CRTAM: variants seen among roughly 807,000 people sequenced by gnomAD.
CRTAM encodes the protein cytotoxic and regulatory T-cell molecule.
In CRTAM, 44 loss-of-function variants were observed where a neutral mutation model predicts 50.0. That is an observed-to-expected ratio of 0.88 (90% CI 0.69 to 1.13). The LOEUF is 1.13. Ranked by LOEUF, CRTAM falls within the 50% of genes most tolerant of loss-of-function variation. The pLI is 0.00. For missense variants in CRTAM, 448 were observed against 457.5 expected (o/e 0.98, Z 0.19); for synonymous variants, 159 against 169.3 (o/e 0.94, Z 0.47).
At chr11:122,866,238 C>A (rs1487042444) in intron 7 of CRTAM, among the ~76,000 whole-genome samples, 1 of 152,112 alleles carries the variant, frequency 6.6e-6, no homozygotes, top group East Asian at 1.9e-4. Context: ...TCCTCACTGC[C>A]CCTGGTGGAA....
Position 122,867,467 on chromosome 11 carries a change from G to A in CRTAM, c.876G>A (p.Thr292=), listed in dbSNP as rs775832473. ...AGAAAAGTGGCATCCTGCTGCTCAC[G>A]CTGGTGTCCTTCCTCATTTTCATAC... ...ARKKSGILLL[T]LVSFLIFILF... Residue 292 remains threonine (T), a synonymous_variant, in exon 8 of 10, where the codon ACG becomes ACA. Coordinates refer to ENST00000227348, the MANE Select transcript of CRTAM (RefSeq NM_019604.4). 4.6e-5 allele frequency: 74 copies of A among 1,613,762 alleles called. No homozygotes were observed. The Middle Eastern group carries it at 6.6e-4, about 14-fold the overall frequency.
At chr11:122,848,475 A>G (rs2135233928) in intron 1 of CRTAM, among the ~76,000 whole-genome samples, 2 of 152,226 alleles carry the variant, frequency 1.3e-5, no homozygotes, top group Middle Eastern at 6.8e-3. Context: ...GTTGTTCATT[A>G]TGGTATTGGT....
intron 1 of CRTAM, among the ~76,000 whole-genome samples, chr11:122,841,738 A>G (rs1861801107): frequency 6.6e-6 from 1 of 152,158 alleles, no homozygotes; most frequent in Non-Finnish European, 1.5e-5. Flanking sequence ...ACCAATATCT[A>G]AAATTTTACA....
rs143915588 is a variant in CRTAM at position 122,838,592 on chromosome 11, G to A, written c.46G>A (p.Glu16Lys). Residue 16 changes from glutamate (E) to lysine (K), a missense_variant and splice_region_variant, in exon 1 of 10, where the codon GAG becomes AAG. Glu to Lys is a moderately conservative substitution (Grantham distance 56). Transcript: ENST00000227348. ...LSLLAWFPLQ[E>K]ASLTNHTETI... ...CTTGCTGGCATGGTTCCCCTTGCAA[G>A]GTAAGGACTTAGAGTTATTTTTGTT... 5 of 1,613,974 alleles carry A rather than the reference G, an allele frequency of 3.1e-6. 1 individual carries two copies. The South Asian group carries it at 5.5e-5, about 18-fold the overall frequency.
At chr11:122,844,238 A>G (rs1861834543) in intron 1 of CRTAM, among the ~76,000 whole-genome samples, 1 of 152,198 alleles carries the variant, frequency 6.6e-6, no homozygotes, top group African/African-American at 2.4e-5. Flanking sequence ...GGGTTAAATT[A>G]TACTATTTAA....
rs531042692 is a variant in CRTAM, at chr11:122,844,914, G to T, written c.47-5154G>T. Among the ~76,000 whole-genome samples, 31 of 152,346 alleles carry T rather than the reference G, an allele frequency of 2.0e-4. No homozygotes were observed. The South Asian group carries it at 6.0e-3, about 30-fold the overall frequency. On this transcript the variant is annotated intron_variant, in intron 1 of 9. Transcript: ENST00000227348. ...TTGGGCCTGAATAACTAGGCTATTT[G>T]CTGTTGGTGAAATCTAAAATAACAC...
intron 6 of CRTAM, among the ~76,000 whole-genome samples, chr11:122,863,843 C>A (rs577622740): frequency 6.6e-6 from 1 of 151,978 alleles, no homozygotes; most frequent in Non-Finnish European, 1.5e-5. Flanking sequence ...TCCATTTCTA[C>A]GATTTTATTA....
Position 122,871,572 on chromosome 11 carries a change from C to A in CRTAM, c.*173C>A, listed in dbSNP as rs1421282536. ...GGAGCTAGGGCAGCAACATGAGGACCAAACCATGCACATAAAGCTTGTAGT... is the reference window on the plus strand; with the variant it reads ...GGAGCTAGGGCAGCAACATGAGGACAAAACCATGCACATAAAGCTTGTAGT... On this transcript the variant is annotated 3_prime_UTR_variant, in exon 10 of 10. Transcript: ENST00000227348. 4.3e-6 allele frequency: 2 copies of A among 467,788 alleles called. No homozygotes were observed. The highest frequency in any genetic ancestry group is 7.3e-5 in the East Asian group (2 of 27,554). The allele number at this position is 467,788 out of a possible 1,614,324, so 29.0% of individuals were successfully genotyped here. A position where few individuals can be genotyped will look rare whatever the true frequency, so the allele number is the denominator to read the frequency against.
chr11:122,867,729 G>A (rs1327222612), intron 8 of CRTAM, among the ~76,000 whole-genome samples, 174 bp downstream of exon 8: 2 of 152,138 alleles, frequency 1.3e-5, no homozygotes, highest in Admixed American at 1.3e-4. Context: ...GAATCTCCAG[G>A]GACTATAGTC....
chr11:122,844,100 G>A (rs2135229668), intron 1 of CRTAM, among the ~76,000 whole-genome samples: 1 of 152,310 alleles, frequency 6.6e-6, no homozygotes, highest in Non-Finnish European at 1.5e-5. Flanking sequence ...TCTACAGTGT[G>A]GTCAATCTGG....
At chr11:122,845,862 T>C (rs1384650140) in intron 1 of CRTAM, among the ~76,000 whole-genome samples, 2 of 152,152 alleles carry the variant, frequency 1.3e-5, no homozygotes, top group African/African-American at 4.8e-5. Flanking sequence ...TTTTTTTTCT[T>C]AATTTTTTGT....
At chr11:122,839,117 A>G (rs1861769193) in intron 1 of CRTAM, among the ~76,000 whole-genome samples, 1 of 151,910 alleles carries the variant, frequency 6.6e-6, no homozygotes, top group Non-Finnish European at 1.5e-5. Flanking sequence ...TATTTTTAGT[A>G]GAGACGGGGT....
intron 1 of CRTAM, among the ~76,000 whole-genome samples, chr11:122,848,421 A>C (rs971085204): frequency 3.6e-4 from 55 of 152,318 alleles, no homozygotes; most frequent in African/African-American, 1.3e-3. Flanking sequence ...CTTATGCCCC[A>C]GTGCTTTTTT....
At chr11:122,849,607 A>G (rs1392632916) in intron 1 of CRTAM, among the ~76,000 whole-genome samples, 1 of 152,052 alleles carries the variant, frequency 6.6e-6, no homozygotes, top group Admixed American at 6.6e-5. Context: ...CTGTAATCCC[A>G]GCTATTTGGG....
chr11:122,849,960 G>T, intron 1 of CRTAM, 108 bp from the exon 2 acceptor site: 1 of 1,092,142 alleles, frequency 9.2e-7, no homozygotes, highest in Non-Finnish European at 1.2e-6. Flanking sequence ...CTTATTTTTT[G>T]GTTTCTAGAA....
intron 9 of CRTAM, among the ~76,000 whole-genome samples, chr11:122,868,778 G>A (rs556272816): frequency 2.0e-5 from 3 of 152,300 alleles, no homozygotes; most frequent in East Asian, 3.9e-4. Context: ...GGAGGCCGAG[G>A]CGGGCGGATC....
intron 1 of CRTAM, among the ~76,000 whole-genome samples, chr11:122,845,202 T>C (rs575564349): frequency 2.0e-5 from 3 of 151,942 alleles, no homozygotes; most frequent in Non-Finnish European, 4.4e-5. Context: ...AGACACTGAT[T>C]TAAGGGGCAG....
intron 1 of CRTAM, 121 bp downstream of exon 1, chr11:122,838,713 C>T: frequency 2.5e-6 from 2 of 815,558 alleles, no homozygotes; most frequent in Non-Finnish European, 4.1e-6. Flanking sequence ...CAGGTAACTG[C>T]TAATACTTTC....
intron 3 of CRTAM, among the ~76,000 whole-genome samples, chr11:122,853,717 C>G (rs1162066477): frequency 6.6e-6 from 1 of 151,754 alleles, no homozygotes; most frequent in Non-Finnish European, 1.5e-5. Flanking sequence ...ACTCAGGAGG[C>G]TGAGGCAGGA....
Sources: gnomAD v4.1 joint callset for allele counts (sites outside exome capture counted in the v4.1 genomes callset) on GRCh38, gnomAD v4.1.1 for gene constraint, MANE v1.5 for transcripts, NCBI Gene and HGNC (gene_info 2026-07-23, HGNC 2026-07-21) for gene names.